The following LRMDA variants were observed in gnomAD, a reference collection of about 807,000 sequenced individuals.
The protein encoded by LRMDA is leucine-rich melanocyte differentiation-associated protein.
Under a neutral mutation model 29.8 loss-of-function variants are expected in LRMDA, and 18 were observed. The observed-to-expected ratio is 0.60, with a 90% CI of 0.42 to 0.90. The LOEUF is 0.90. LRMDA is among the 40% of genes least tolerant of loss of function. The probability of loss-of-function intolerance (pLI) is 0.00; values close to 1 mark genes in which losing one functional copy is unlikely to be tolerated. For missense variants in LRMDA, 273 were observed against 273.9 expected, an observed-to-expected ratio of 1.00 and a Z score of 0.02; for synonymous variants, 125 against 109.4, an observed-to-expected ratio of 1.14 and a Z score of -0.89.
intron 2 of LRMDA, among the ~76,000 whole-genome samples, chr10:75,808,599 T>A (rs557251505): frequency 1.3e-5 from 2 of 152,332 alleles, no homozygotes; most frequent in African/African-American, 4.8e-5. Context: ...AACTTCCGAC[T>A]CCTTGGTTCA....
intron 2 of LRMDA, among the ~76,000 whole-genome samples, chr10:75,506,249 T>TG (rs1171091768): frequency 6.6e-6 from 1 of 152,138 alleles, no homozygotes; most frequent in Non-Finnish European, 1.5e-5. Flanking sequence ...GCAGGTGTGA[T>TG]GGGGAATAGG....
intron 2 of LRMDA, among the ~76,000 whole-genome samples, chr10:75,699,331 A>T (rs1202792409): frequency 6.6e-6 from 1 of 152,182 alleles, no homozygotes; most frequent in Non-Finnish European, 1.5e-5. Flanking sequence ...AAATCCTGCT[A>T]TGGAGAGAAC....
In LRMDA at chr10:76,404,783, T is replaced by C. The variant is rs186039596; in HGVS notation, c.601+80298T>C. On this transcript the variant is annotated intron_variant, in intron 6 of 6. Coordinates refer to ENST00000611255, the MANE Select transcript of LRMDA (RefSeq NM_001305581.2). Reference sequence around the variant, plus strand: ...AGGGACTTTGCAGATGTGATTAAGTTAAGGAACTTGAGATGGAGAGATTAT... The same window carrying C: ...AGGGACTTTGCAGATGTGATTAAGTCAAGGAACTTGAGATGGAGAGATTAT... Among the ~76,000 whole-genome samples the C allele has an allele frequency of 9.8e-5, 15 of 152,318 alleles. 1 individual carries two copies. The highest frequency in any genetic ancestry group is 3.6e-4 in the African/African-American group (15 of 41,568).
chr10:75,639,582 A>G (rs1841427172), intron 2 of LRMDA, among the ~76,000 whole-genome samples: 1 of 152,130 alleles, frequency 6.6e-6, no homozygotes, highest in East Asian at 1.9e-4. Flanking sequence ...GGCAGAGGGA[A>G]GTTCTCTCAT....
intron 6 of LRMDA, among the ~76,000 whole-genome samples, chr10:76,540,946 C>T (rs946717530): frequency 2.6e-5 from 4 of 152,054 alleles, no homozygotes; most frequent in African/African-American, 7.3e-5. Flanking sequence ...TGCACAAGTC[C>T]CAGTGGTATA....
At chr10:76,304,169 G>C (rs904334935) in intron 5 of LRMDA, among the ~76,000 whole-genome samples, 1 of 152,162 alleles carries the variant, frequency 6.6e-6, no homozygotes, top group Non-Finnish European at 1.5e-5. Context: ...CATTGAAGGA[G>C]ACAGAAAGAT....
At chr10:76,268,827 A>T (rs904710904) in intron 5 of LRMDA, among the ~76,000 whole-genome samples, 9 of 152,062 alleles carry the variant, frequency 5.9e-5, no homozygotes, top group Non-Finnish European at 1.3e-4. Context: ...CCCCCATTTG[A>T]GACTGAGAGT....
intron 2 of LRMDA, among the ~76,000 whole-genome samples, chr10:75,762,709 A>T (rs1337324233): frequency 6.6e-6 from 1 of 152,224 alleles, no homozygotes; most frequent in Admixed American, 6.5e-5. Flanking sequence ...ATTGTTGGGG[A>T]CATTAAGTGA....
At chr10:76,136,713 T>C (rs1850102058) in intron 5 of LRMDA, among the ~76,000 whole-genome samples, 1 of 152,214 alleles carries the variant, frequency 6.6e-6, no homozygotes. Context: ...ATAAAATAGA[T>C]GAGCACTTTT....
At chr10:76,390,770 G>T (rs1201809334) in intron 6 of LRMDA, among the ~76,000 whole-genome samples, 4 of 152,110 alleles carry the variant, frequency 2.6e-5, no homozygotes, top group Non-Finnish European at 4.4e-5. Flanking sequence ...AGTAGCCAGG[G>T]TCCATTCAGA....
At chr10:76,167,295 A>G (rs1276606663) in intron 5 of LRMDA, among the ~76,000 whole-genome samples, 2 of 152,240 alleles carry the variant, frequency 1.3e-5, no homozygotes, top group African/African-American at 2.4e-5. Context: ...TTTGCTGTGC[A>G]GAAGCTCTTT....
intron 2 of LRMDA, among the ~76,000 whole-genome samples, chr10:76,008,194 A>G (rs896636667): frequency 6.6e-6 from 1 of 152,200 alleles, no homozygotes; most frequent in African/African-American, 2.4e-5. Flanking sequence ...AAGGCTACAC[A>G]ATAGACTGTC....
At chr10:76,548,303 A>G (rs1843446017) in intron 6 of LRMDA, among the ~76,000 whole-genome samples, 1 of 152,198 alleles carries the variant, frequency 6.6e-6, no homozygotes, top group African/African-American at 2.4e-5. Context: ...TTAAAGAAAT[A>G]CTTACAAAGA....
intron 2 of LRMDA, among the ~76,000 whole-genome samples, chr10:75,597,486 C>A (rs1840805704): frequency 6.6e-6 from 1 of 152,142 alleles, no homozygotes; most frequent in Non-Finnish European, 1.5e-5. Flanking sequence ...ACAGCCCCTG[C>A]AATCTGGGAT....
At chr10:76,208,391 A>G (rs1018070199) in intron 5 of LRMDA, among the ~76,000 whole-genome samples, 2 of 152,204 alleles carry the variant, frequency 1.3e-5, no homozygotes, top group Non-Finnish European at 2.9e-5. Flanking sequence ...TAAACTGGAA[A>G]TTGGCGGGGG....
chr10:75,816,094 C>G (rs1844054646), intron 2 of LRMDA, among the ~76,000 whole-genome samples: 1 of 152,170 alleles, frequency 6.6e-6, no homozygotes, highest in Non-Finnish European at 1.5e-5. Flanking sequence ...GGAGGAGGTA[C>G]CGGTCAGTGT....
intron 2 of LRMDA, among the ~76,000 whole-genome samples, chr10:75,495,220 GTCTC>G (rs1463222020): frequency 6.6e-6 from 1 of 151,986 alleles, no homozygotes; most frequent in Non-Finnish European, 1.5e-5. Flanking sequence ...ATTGTATCCT[GTCTC>G]TCTCTTTCTG....
intron 2 of LRMDA, among the ~76,000 whole-genome samples, chr10:75,695,544 T>A (rs1254971154): frequency 1.3e-5 from 2 of 152,060 alleles, no homozygotes; most frequent in Non-Finnish European, 2.9e-5. Context: ...CATAAACTCA[T>A]CCCTTATAGC....
At chr10:76,440,986 A>C (rs1842296619) in intron 6 of LRMDA, among the ~76,000 whole-genome samples, 1 of 152,168 alleles carries the variant, frequency 6.6e-6, no homozygotes, top group Non-Finnish European at 1.5e-5. Flanking sequence ...TGCTGCTTAT[A>C]ATTGACTGGG....
Sources: allele counts gnomAD v4.1 joint callset (sites outside exome capture counted in the v4.1 genomes callset), GRCh38; gene constraint gnomAD v4.1.1; transcripts MANE v1.5; gene names NCBI Gene and HGNC (gene_info 2026-07-23, HGNC 2026-07-21).